LAMA3: variants seen among roughly 807,000 people sequenced by gnomAD.
LAMA3 encodes the protein laminin subunit alpha-3.
In LAMA3, 281 loss-of-function variants were observed where a neutral mutation model predicts 402.0. The ratio of observed to expected loss-of-function variants is 0.70; its 90% confidence interval spans 0.63 to 0.77. The LOEUF (loss-of-function observed/expected upper bound fraction) is 0.77, where lower values mean the gene tolerates loss of function less well. Ranked by LOEUF, LAMA3 falls within the 30% of genes least tolerant of loss-of-function variation. LAMA3 has a pLI of 0.00. For missense variants in LAMA3, 3,840 were observed against 4,215.5 expected, an observed-to-expected ratio of 0.91 and a Z score of 2.47; for synonymous variants, 1,431 against 1,558.4, an observed-to-expected ratio of 0.92 and a Z score of 1.93.
intron 18 of LAMA3, among the ~76,000 whole-genome samples, chr18:23,817,762 G>C (rs1430966244): frequency 6.6e-6 from 1 of 152,092 alleles, no homozygotes; most frequent in East Asian, 1.9e-4. Context: ...CTTTCCCTCA[G>C]TTGGGGGCTT....
At chr18:23,751,135 T>C (rs1347394717) in intron 5 of LAMA3, 47 bp downstream of exon 5, 2 of 1,602,630 alleles carry the variant, frequency 1.2e-6, no homozygotes, top group Non-Finnish European at 1.7e-6. Context: ...ATTCATTTTT[T>C]TGGCTTACCA....
At chr18:23,729,601 A>G (rs1425064899) in intron 2 of LAMA3, among the ~76,000 whole-genome samples, 1 of 152,264 alleles carries the variant, frequency 6.6e-6, no homozygotes, top group East Asian at 1.9e-4. Flanking sequence ...GTAATCATTT[A>G]GAATTTAAAA....
intron 1 of LAMA3, among the ~76,000 whole-genome samples, chr18:23,713,635 A>G (rs549806052): frequency 6.1e-4 from 93 of 152,364 alleles, no homozygotes; most frequent in African/African-American, 2.2e-3. Context: ...GTGTTGTATG[A>G]AACAAAAACA....
intron 55 of LAMA3, among the ~76,000 whole-genome samples, chr18:23,910,018 A>G (rs1434124984): frequency 6.6e-6 from 1 of 152,198 alleles, no homozygotes; most frequent in African/African-American, 2.4e-5. Context: ...AGTATTCCCA[A>G]CATAAAAACT....
chr18:23,881,033 A>G (rs2064878999), intron 39 of LAMA3, among the ~76,000 whole-genome samples: 1 of 152,200 alleles, frequency 6.6e-6, no homozygotes, highest in African/African-American at 2.4e-5. Flanking sequence ...GTGTCTCCAT[A>G]TTAGCAAATG....
chr18:23,747,745 T>C (rs1422650820), intron 2 of LAMA3, among the ~76,000 whole-genome samples, 198 bp from the exon 3 acceptor site: 2 of 152,162 alleles, frequency 1.3e-5, no homozygotes, highest in Admixed American at 1.3e-4. Flanking sequence ...AGAAAGATAA[T>C]GATTTTTGTT....
chr18:23,833,182 C>T (rs1404028352), intron 23 of LAMA3, among the ~76,000 whole-genome samples: 1 of 152,058 alleles, frequency 6.6e-6, no homozygotes, highest in African/African-American at 2.4e-5. Context: ...TTTTGCAGGC[C>T]CTGTGGTCTC....
chr18:23,860,261 C>CTTTTTTTT (rs59852195), intron 34 of LAMA3, among the ~76,000 whole-genome samples: 11 of 112,662 alleles, frequency 9.8e-5, no homozygotes, highest in Non-Finnish European at 1.6e-4. Context: ...CTTTTCTTTT[C>CTTTTTTTT]TTTTTTTTTT....
intron 19 of LAMA3, 104 bp from the exon 20 acceptor site, chr18:23,822,143 GTACAT>G (rs1178980346): frequency 5.0e-6 from 6 of 1,192,050 alleles, no homozygotes; most frequent in East Asian, 2.4e-5. Flanking sequence ...GTGTATGTGT[GTACAT>G]TACAAGTCCA....
At chr18:23,813,145 T>G in intron 14 of LAMA3, 42 bp downstream of exon 14, 2 of 1,331,484 alleles carry the variant, frequency 1.5e-6, no homozygotes, top group Non-Finnish European at 1.1e-6. Context: ...ACTATCTCTA[T>G]TATTCTCATG....
intron 28 of LAMA3, 25 bp from the exon 29 acceptor site, chr18:23,842,586 G>A (rs753628059): frequency 4.3e-6 from 7 of 1,614,206 alleles, no homozygotes; most frequent in African/African-American, 1.3e-5. Flanking sequence ...GTGCATGACA[G>A]AAAGTCTCTC....
At position 23,871,528 on chromosome 18, in the gene LAMA3, A is replaced by G. The variant is rs1023804785; in HGVS notation, c.4865A>G (p.Tyr1622Cys). ...GCAGATGTGCGCATCCAAGGCCTCTACTTCACAGAGACTCAAAGGCTCACC... is the reference window on the plus strand; with the variant it reads ...GCAGATGTGCGCATCCAAGGCCTCTGCTTCACAGAGACTCAAAGGCTCACC... ...RLADVRIQGL[Y>C]FTETQRLTLS... Residue 1622 changes from tyrosine (Y) to cysteine (C), a missense_variant, in exon 38 of 75, where the codon TAC becomes TGC. Coordinates refer to ENST00000313654, the MANE Select transcript of LAMA3 (RefSeq NM_198129.4). 6.2e-7 allele frequency: 1 copy of G among 1,614,166 alleles called. No homozygotes were observed.
intron 3 of LAMA3, among the ~76,000 whole-genome samples, chr18:23,748,379 CCACTG>C (rs1169316881): frequency 1.3e-5 from 2 of 150,238 alleles, no homozygotes; most frequent in African/African-American, 4.9e-5. Flanking sequence ...CAAGATTGTA[CCACTG>C]CACTCCAGCC....
chr18:23,713,832 T>C lies in LAMA3; in HGVS notation c.295-88T>C, dbSNP rs1392446536. ...ATAAGATAGTCTTTGTTTGGTTCCC[T>C]GTATTTGCTATATGGATAAGAAAAA... On this transcript the variant is annotated intron_variant, in intron 1 of 74. Coordinates refer to ENST00000313654, the MANE Select transcript of LAMA3 (RefSeq NM_198129.4). The C allele has an allele frequency of 5.1e-6, 6 of 1,187,566 alleles. No individual in the cohort carries two copies. In the East Asian group the frequency reaches 1.3e-4, roughly 25 times the overall value. 73.6% of individuals were successfully genotyped at this position (1,187,566 alleles called of 1,614,324 possible).
chr18:23,953,336 TTG>T (rs1450968702), intron 74 of LAMA3, among the ~76,000 whole-genome samples: 3 of 147,414 alleles, frequency 2.0e-5, no homozygotes, highest in African/African-American at 7.5e-5. Context: ...TTTTTTTTTT[TTG>T]TTTTTTTTTT....
At chr18:23,904,260 G>A (rs1001122005) in intron 50 of LAMA3, among the ~76,000 whole-genome samples, 173 bp downstream of exon 50, 1 of 152,132 alleles carries the variant, frequency 6.6e-6, no homozygotes, top group Non-Finnish European at 1.5e-5. Flanking sequence ...GCAGCAATAA[G>A]GGCACTAATT....
Position 23,903,990 on chromosome 18 carries a change from G to A in LAMA3, c.6376G>A (p.Val2126Ile), listed in dbSNP as rs1354807557. 1 of 1,614,086 alleles carries A rather than the reference G, an allele frequency of 6.2e-7. No homozygotes were observed. The highest frequency in any genetic ancestry group is 8.5e-7 in the Non-Finnish European group (1 of 1,179,962). ...NEARQELSDK[V>I]RELSRSAGKT... is the part of the protein sequence containing the mutation. ...AGCAAGACAAGAACTAAGTGACAAA[G>A]TAAGAGAACTTTCCAGATCTGCTGG... Residue 2126 changes from valine (V) to isoleucine (I), a missense_variant, in exon 50 of 75, where the codon GTA (valine) becomes ATA (isoleucine). By Grantham distance (29) the Val-to-Ile change is conservative. Coordinates refer to ENST00000313654, the MANE Select transcript of LAMA3 (RefSeq NM_198129.4).
Position 23,861,742 on chromosome 18 carries a change from C to T in LAMA3, c.4519C>T (p.Gln1507Ter), listed in dbSNP as rs534665666. ...PGSNSMVADL[Q>*]ELPATIHSAS... ...CAGCAACAGTATGGTGGCGGATCTC[C>T]AGGAGCTGCCCGCAACCATCCACAG... Residue 1507 changes from glutamine (Q) to a stop codon, truncating the protein, a stop_gained, in exon 35 of 75, where the codon CAG becomes TAG. Transcript: ENST00000313654. LOFTEE classifies it high-confidence loss of function. The T allele has an allele frequency of 3.7e-6, 6 of 1,613,960 alleles. No homozygotes were observed. The East Asian group carries it at 1.3e-4, about 36-fold the overall frequency.
intron 37 of LAMA3, among the ~76,000 whole-genome samples, chr18:23,870,407 CCACTGTGGAAA>C (rs1482229087): frequency 2.6e-5 from 4 of 152,002 alleles, no homozygotes; most frequent in Admixed American, 6.6e-5. Flanking sequence ...AATGGTGCAT[CCACTGTGGAAA>C]CACTGTGGAA....
Sources: allele counts gnomAD v4.1 joint callset (sites outside exome capture counted in the v4.1 genomes callset), GRCh38; gene constraint gnomAD v4.1.1; transcripts MANE v1.5; gene names NCBI Gene and HGNC (gene_info 2026-07-23, HGNC 2026-07-21).